SLC44A1: variants seen among roughly 807,000 people sequenced by gnomAD.
SLC44A1 encodes solute carrier family 44 member 1, also known as choline transporter-like protein 1.
SLC44A1 carries 26 observed loss-of-function variants against 79.3 expected under a neutral mutation model. The ratio of observed to expected loss-of-function variants is 0.33; its 90% CI spans 0.24 to 0.46. The LOEUF (loss-of-function observed/expected upper bound fraction) is 0.46, where lower values mean the gene tolerates loss of function less well. SLC44A1 is among the 20% of genes least tolerant of loss of function. The pLI, the probability that SLC44A1 is intolerant of heterozygous loss-of-function variation, is 1.00. For missense variants in SLC44A1, 688 were observed against 798.1 expected (o/e 0.86, Z 1.66); for synonymous variants, 263 against 286.2 (o/e 0.92, Z 0.82).
At chr9:105,409,111 A>G (rs940876838) in intron 15 of SLC44A1, among the ~76,000 whole-genome samples, 20 of 152,248 alleles carry the variant, frequency 1.3e-4, no homozygotes, top group Non-Finnish European at 2.5e-4. Flanking sequence ...TAAAATGTAA[A>G]TGGATTAAAC....
chr9:105,364,723 A>G lies in SLC44A1; in HGVS notation c.1253+3A>G. The G allele has an allele frequency of 6.2e-7, 1 of 1,610,548 alleles. No individual in the cohort carries two copies. Among genetic ancestry groups the G allele is most frequent in the Non-Finnish European group, 8.5e-7 (1 of 1,178,198 alleles). On this transcript the variant is annotated splice_donor_region_variant and intron_variant, in intron 10 of 15. Coordinates refer to ENST00000374720, the MANE Select transcript of SLC44A1 (RefSeq NM_080546.5). ...GTGGTAACATACTATTTTACTAGGT[A>G]AGAATATGTTGTTATTAGAAAACTC...
chr9:105,265,465 T>C (rs1829940051), intron 1 of SLC44A1, among the ~76,000 whole-genome samples: 1 of 152,258 alleles, frequency 6.6e-6, no homozygotes. Context: ...ATTGCATGCA[T>C]CAATAGTTTG....
downstream of SLC44A1, among the ~76,000 whole-genome samples, chr9:105,397,781 A>T (rs1033784497): frequency 4.8e-4 from 72 of 149,132 alleles, 1 homozygote; most frequent in African/African-American, 1.7e-3. Context: ...CGTCTCTACT[A>T]AAAAAAATAC....
intron 13 of SLC44A1, among the ~76,000 whole-genome samples, chr9:105,382,129 A>G (rs1828485482): frequency 6.6e-6 from 1 of 152,184 alleles, no homozygotes; most frequent in African/African-American, 2.4e-5. Flanking sequence ...TTATTTGAGT[A>G]GGATCTGTTC....
chr9:105,422,779 A>AT (rs1829271882), intron 15 of SLC44A1, among the ~76,000 whole-genome samples: 1 of 152,108 alleles, frequency 6.6e-6, no homozygotes, highest in African/African-American at 2.4e-5. Flanking sequence ...GAAGTTGAAC[A>AT]TTTTTTCTTA....
chr9:105,347,583 C>T (rs1827278949), intron 4 of SLC44A1, among the ~76,000 whole-genome samples: 1 of 151,892 alleles, frequency 6.6e-6, no homozygotes, highest in African/African-American at 2.4e-5. Context: ...AATTATATAA[C>T]ACATAAATGT....
chr9:105,304,973 T>G (rs1444495824), intron 2 of SLC44A1, among the ~76,000 whole-genome samples: 8 of 118,850 alleles, frequency 6.7e-5, no homozygotes, highest in South Asian at 3.1e-4. Context: ...TTTTTTTTTT[T>G]TTTTTTTTTT....
chr9:105,267,393 G>A (rs937836720), intron 1 of SLC44A1, among the ~76,000 whole-genome samples: 1 of 151,902 alleles, frequency 6.6e-6, no homozygotes, highest in Non-Finnish European at 1.5e-5. Context: ...GGAAATTTCT[G>A]GTTTGCAATT....
At chr9:105,331,879 A>C (rs763301568) in intron 3 of SLC44A1, among the ~76,000 whole-genome samples, 5 of 152,168 alleles carry the variant, frequency 3.3e-5, no homozygotes, top group Non-Finnish European at 5.9e-5. Flanking sequence ...GTTAGGCCTC[A>C]AGGCCTCAGT....
chr9:105,427,022 G>A (rs900442626), intron 15 of SLC44A1, among the ~76,000 whole-genome samples: 3 of 150,268 alleles, frequency 2.0e-5, no homozygotes, highest in Non-Finnish European at 4.4e-5. Flanking sequence ...TCCAACCTCC[G>A]CCTCCTAGGC....
At chr9:105,280,855 G>A (rs144371713) in intron 1 of SLC44A1, among the ~76,000 whole-genome samples, 44 of 152,336 alleles carry the variant, frequency 2.9e-4, no homozygotes, top group East Asian at 2.1e-3. Context: ...AGCTACCGAT[G>A]TAAAGTCCAT....
chr9:105,268,486 T>C (rs946747190), intron 1 of SLC44A1, among the ~76,000 whole-genome samples: 1 of 152,160 alleles, frequency 6.6e-6, no homozygotes, highest in African/African-American at 2.4e-5. Flanking sequence ...CTTTCATTGA[T>C]CTGAGTTCTA....
At chr9:105,319,103 CT>C (rs962645155) in intron 3 of SLC44A1, among the ~76,000 whole-genome samples, 15 of 152,254 alleles carry the variant, frequency 9.9e-5, no homozygotes, top group African/African-American at 3.6e-4. Context: ...TTGCCACCCA[CT>C]TGTGTTTACC....
At chr9:105,387,758 C>T (rs1048273505) in intron 15 of SLC44A1, among the ~76,000 whole-genome samples, 27 of 152,006 alleles carry the variant, frequency 1.8e-4, no homozygotes, top group African/African-American at 6.5e-4. Context: ...GCACAGATTT[C>T]TATAGTATTC....
Position 105,256,032 on chromosome 9 carries a change from G to C in SLC44A1, c.36+11128G>C, listed in dbSNP as rs112519618. Among the ~76,000 whole-genome samples, 440 of 152,050 alleles carry C rather than the reference G, an allele frequency of 2.9e-3. 1 individual carries two copies. Among genetic ancestry groups the C allele is most frequent in the Non-Finnish European group, 5.2e-3 (351 of 67,966 alleles). On this transcript the variant is annotated intron_variant, in intron 1 of 15. Transcript: ENST00000374720. ...TTCCAAAAATTTTATTTTTATTTTT[G>C]AGACAGGGTCTTGCTCTGTCACCCT... is the stretch of plus-strand genomic sequence containing the variant.
chr9:105,342,785 T>C (rs1027734646), intron 4 of SLC44A1, among the ~76,000 whole-genome samples: 5 of 152,148 alleles, frequency 3.3e-5, no homozygotes, highest in Middle Eastern at 3.2e-3. Flanking sequence ...CTGCACCAGA[T>C]GCTTTGCGTA....
At chr9:105,414,070 T>C (rs542547156) in intron 15 of SLC44A1, among the ~76,000 whole-genome samples, 1 of 151,892 alleles carries the variant, frequency 6.6e-6, no homozygotes, top group East Asian at 1.9e-4. Context: ...TTTTTGTATT[T>C]TTGTTTTTTT....
At chr9:105,400,685 T>TA (rs1283090998), downstream of SLC44A1, among the ~76,000 whole-genome samples, 1 of 152,126 alleles carries the variant, frequency 6.6e-6, no homozygotes, top group Non-Finnish European at 1.5e-5. Flanking sequence ...TAAAATGGAT[T>TA]AAAAAATTTA....
chr9:105,327,564 G>A (rs530191119), intron 3 of SLC44A1, among the ~76,000 whole-genome samples: 10 of 152,226 alleles, frequency 6.6e-5, no homozygotes, highest in Admixed American at 1.3e-4. Flanking sequence ...ATTTACAGGC[G>A]TACCATTTAT....
Sources: gnomAD v4.1 joint callset for allele counts (sites outside exome capture counted in the v4.1 genomes callset) on GRCh38, gnomAD v4.1.1 for gene constraint, MANE v1.5 for transcripts, NCBI Gene and HGNC (gene_info 2026-07-23, HGNC 2026-07-21) for gene names.